Variants in GPM6B observed in about 807,000 individuals in gnomAD.
GPM6B encodes the protein glycoprotein M6B.
Under a neutral mutation model 27.2 loss-of-function variants are expected in GPM6B, and 4 were observed. The observed-to-expected ratio is 0.15, with a 90% CI of 0.07 to 0.34. The LOEUF (loss-of-function observed/expected upper bound fraction) is 0.34, where lower values mean the gene tolerates loss of function less well. Among genes scored for constraint, GPM6B ranks in the 10% least tolerant of loss-of-function variants. The pLI is 1.00. For synonymous variants in GPM6B, 124 were observed against 103.1 expected (o/e 1.20, Z -1.23); for missense variants, 183 against 261.9 (o/e 0.70, Z 2.08).
intron 2 of GPM6B, among the ~76,000 whole-genome samples, chrX:13,788,893 G>C (rs759346123): frequency 1.8e-5 from 2 of 110,914 alleles, no homozygotes; most frequent in Admixed American, 9.7e-5. Context: ...TAACAGCAGG[G>C]AAAACCAGGA....
intron 1 of GPM6B, among the ~76,000 whole-genome samples, chrX:13,926,467 G>A (rs1480567537): frequency 2.8e-5 from 3 of 108,930 alleles, no homozygotes; most frequent in African/African-American, 1.0e-4. Flanking sequence ...ATCAAGAATA[G>A]GTCACTTTTA....
intron 1 of GPM6B, among the ~76,000 whole-genome samples, chrX:13,920,614 G>A (rs950136861): frequency 6.9e-4 from 77 of 111,581 alleles, no homozygotes; most frequent in African/African-American, 2.4e-3. Flanking sequence ...GGGTAAGGCC[G>A]GGTGCAGTGG....
intron 1 of GPM6B, among the ~76,000 whole-genome samples, chrX:13,881,622 T>G (rs761525692): frequency 2.6e-4 from 19 of 72,416 alleles, no homozygotes; most frequent in African/African-American, 9.5e-4. Context: ...ATCTGAGGCC[T>G]TTGTTTTAGT....
At chrX:13,894,330 C>A (rs931444496) in intron 1 of GPM6B, among the ~76,000 whole-genome samples, 7 of 111,675 alleles carry the variant, frequency 6.3e-5, no homozygotes, top group African/African-American at 2.3e-4. Context: ...CCTCTTAGAT[C>A]GAAGACTTGA....
At chrX:13,840,471 G>C (rs1272242219) in intron 1 of GPM6B, among the ~76,000 whole-genome samples, 1 of 111,644 alleles carries the variant, frequency 9.0e-6, no homozygotes, top group African/African-American at 3.3e-5. Context: ...TTGTTGACTG[G>C]TGTATAGTAG....
At chrX:13,860,967 C>T (rs2049838069) in intron 1 of GPM6B, among the ~76,000 whole-genome samples, 1 of 108,006 alleles carries the variant, frequency 9.3e-6, no homozygotes, top group African/African-American at 3.4e-5. Flanking sequence ...TTGTTTAGTT[C>T]CTTTATATGG....
intron 1 of GPM6B, among the ~76,000 whole-genome samples, chrX:13,816,558 T>TA (rs1490749922): frequency 9.0e-6 from 1 of 110,989 alleles, no homozygotes; most frequent in Non-Finnish European, 1.9e-5. Flanking sequence ...ATTATATTAA[T>TA]AAAAAAAGAC....
intron 1 of GPM6B, among the ~76,000 whole-genome samples, chrX:13,928,948 T>C (rs1375074520): frequency 6.3e-5 from 7 of 111,979 alleles, no homozygotes; most frequent in Non-Finnish European, 1.3e-4. Flanking sequence ...TCAATGGCTA[T>C]AGAAAACGGA....
At chrX:13,872,233 G>A (rs752364892) in intron 1 of GPM6B, among the ~76,000 whole-genome samples, 10 of 96,762 alleles carry the variant, frequency 1.0e-4, no homozygotes, top group East Asian at 1.0e-3. Context: ...ATGCAGTGGC[G>A]TGATTTTAGC....
chrX:13,856,387 G>A (rs745543628), intron 1 of GPM6B, among the ~76,000 whole-genome samples: 1 of 111,849 alleles, frequency 8.9e-6, no homozygotes, highest in Non-Finnish European at 1.9e-5. Flanking sequence ...ACAACCAGCA[G>A]CAGCAGCAGC....
chrX:13,874,335 G>C lies in GPM6B; in HGVS notation c.-198+63992C>G, dbSNP rs113521212. ...CAATTAGATTCAATAAATATTCACT[G>C]AGCACTGACTATACTCAACACATTC... is the stretch of plus-strand genomic sequence containing the variant. On this transcript the variant is annotated intron_variant, in intron 1 of 6. Coordinates refer to the GPM6B transcript ENST00000398361. Among the ~76,000 whole-genome samples, 687 of 111,314 alleles carry C rather than the reference G, an allele frequency of 6.2e-3. 2 individuals are homozygous for C. Among genetic ancestry groups the C allele is most frequent in the African/African-American group, 0.021 (647 of 30,628 alleles).
chrX:13,819,244 A>G (rs1325754224), upstream of GPM6B, among the ~76,000 whole-genome samples: 1 of 112,445 alleles, frequency 8.9e-6, no homozygotes, highest in Non-Finnish European at 1.9e-5. Context: ...ATGTATTACA[A>G]TTCTAGAAAT....
intron 1 of GPM6B, among the ~76,000 whole-genome samples, chrX:13,868,806 G>A (rs889304647): frequency 1.8e-5 from 2 of 112,100 alleles, no homozygotes; most frequent in African/African-American, 6.5e-5. Flanking sequence ...CTGAAGTGGT[G>A]GTTATGGATT....
intron 1 of GPM6B, among the ~76,000 whole-genome samples, chrX:13,811,767 G>A (rs1467838044): frequency 8.9e-6 from 1 of 111,957 alleles, no homozygotes; most frequent in African/African-American, 3.2e-5. Context: ...AGCAGTTAAT[G>A]CAATTGATAA....
rs150130471 is a variant in GPM6B, at chrX:13,831,099, C to T, written c.-197-45291G>A. The stretch of plus-strand genomic sequence containing the variant: ...GGCTCAATGACATTTCATAAATAAG[C>T]TATGGATACTATAGTACAAGGCAGG... On this transcript the variant is annotated intron_variant, in intron 1 of 6. Transcript: ENST00000398361. 4.7e-5 allele frequency among the ~76,000 whole-genome samples: 5 copies of T among 107,165 alleles called. No individual in the cohort carries two copies. In the East Asian group the frequency reaches 1.5e-3, roughly 32 times the overall value. 93.1% of individuals were successfully genotyped at this position (107,165 alleles called of 115,157 possible).
intron 1 of GPM6B, among the ~76,000 whole-genome samples, chrX:13,920,266 C>CAAAAAAAA (rs144988935): frequency 1.8e-4 from 4 of 22,253 alleles, no homozygotes; most frequent in African/African-American, 3.7e-4. Flanking sequence ...GACTCTGTCT[C>CAAAAAAAA]AAAAAAAAAA....
chrX:13,865,559 A>AAAAAAAAAGAAAG (rs34662549), intron 1 of GPM6B, among the ~76,000 whole-genome samples: 8 of 52,924 alleles, frequency 1.5e-4, no homozygotes, highest in East Asian at 9.8e-4. Flanking sequence ...AAAAAAAAAA[A>AAAAAAAAAGAAAG]AAAGAAAGAA....
At chrX:13,886,251 C>T (rs2050133693) in intron 1 of GPM6B, among the ~76,000 whole-genome samples, 1 of 111,930 alleles carries the variant, frequency 8.9e-6, no homozygotes, top group African/African-American at 3.2e-5. Context: ...TGAAGTTTCA[C>T]GTTTAATCAA....
At chrX:13,795,249 GTCAA>G (rs756975590) in intron 2 of GPM6B, among the ~76,000 whole-genome samples, 9 of 112,339 alleles carry the variant, frequency 8.0e-5, no homozygotes, top group South Asian at 7.3e-4. Flanking sequence ...GAATATAAGA[GTCAA>G]TCAAAGTGCA....
Sources: gnomAD v4.1 joint callset for allele counts (sites outside exome capture counted in the v4.1 genomes callset) on GRCh38, gnomAD v4.1.1 for gene constraint, MANE v1.5 for transcripts, NCBI Gene and HGNC (gene_info 2026-07-23, HGNC 2026-07-21) for gene names.